Variants in NELL1 observed in about 807,000 individuals in gnomAD.
NELL1 encodes neural EGFL like 1, also known as protein kinase C-binding protein NELL1.
A neutral mutation model predicts 107.4 loss-of-function variants in NELL1; 76 were observed. That is an observed-to-expected ratio of 0.71 (90% CI 0.59 to 0.86). NELL1 has a LOEUF of 0.86. Ranked by LOEUF, NELL1 falls within the 40% of genes least tolerant of loss-of-function variation. The probability of loss-of-function intolerance (pLI) is 0.00; values close to 1 mark genes in which losing one functional copy is unlikely to be tolerated. For synonymous variants in NELL1, 353 were observed against 341.2 expected (o/e 1.03, Z -0.38); for missense variants, 1,024 against 1,005.5 (o/e 1.02, Z -0.25).
chr11:21,419,617 C>T (rs1410184806), intron 15 of NELL1, among the ~76,000 whole-genome samples: 1 of 152,000 alleles, frequency 6.6e-6, no homozygotes, highest in Non-Finnish European at 1.5e-5. Context: ...GAAACAGTTT[C>T]CACTGTAGCA....
In NELL1 at chr11:21,506,265, A is replaced by G. The variant is rs542675688; in HGVS notation, c.1646-28109A>G. Among the ~76,000 whole-genome samples the G allele has an allele frequency of 2.0e-5, 3 of 152,166 alleles. No individual in the cohort carries two copies. In the South Asian group the frequency reaches 6.2e-4, roughly 32 times the overall value. On this transcript the variant is annotated intron_variant, in intron 15 of 19. Transcript: ENST00000357134. ...ACTTAAGACAACCGATCTTGGTGAT[A>G]CAGACCCGCAGAGTCACAGTTCAGC...
At chr11:21,026,911 G>A (rs72939996) in intron 12 of NELL1, among the ~76,000 whole-genome samples, 2 of 152,060 alleles carry the variant, frequency 1.3e-5, no homozygotes, top group African/African-American at 4.8e-5. Flanking sequence ...TTGTATGCCA[G>A]CCCAGATTTT....
chr11:20,804,263 T>C (rs1167537572), intron 3 of NELL1, among the ~76,000 whole-genome samples: 1 of 152,090 alleles, frequency 6.6e-6, no homozygotes, highest in African/African-American at 2.4e-5. Flanking sequence ...TGAGATGGAG[T>C]CTTGCTCTGT....
intron 11 of NELL1, among the ~76,000 whole-genome samples, chr11:20,954,431 T>G (rs1392193014): frequency 1.3e-5 from 2 of 152,212 alleles, no homozygotes; most frequent in African/African-American, 4.8e-5. Flanking sequence ...TTTATCCTTC[T>G]CTGAAACACT....
chr11:21,033,408 C>A (rs1002981439), intron 12 of NELL1, among the ~76,000 whole-genome samples: 1 of 152,092 alleles, frequency 6.6e-6, no homozygotes, highest in South Asian at 2.1e-4. Context: ...TCCAAGTAGG[C>A]TCTAGTGTCT....
chr11:20,703,015 A>C (rs1854838925), intron 2 of NELL1, among the ~76,000 whole-genome samples: 1 of 152,186 alleles, frequency 6.6e-6, no homozygotes, highest in Admixed American at 6.5e-5. Flanking sequence ...TGCTGGCCTT[A>C]TAAAGTGAGT....
chr11:20,717,016 G>A (rs1304847802), intron 2 of NELL1, among the ~76,000 whole-genome samples: 3 of 152,134 alleles, frequency 2.0e-5, no homozygotes, highest in African/African-American at 7.2e-5. Context: ...ATACCACAAT[G>A]TATTCATTCA....
At chr11:21,268,659 T>G (rs567818927) in intron 14 of NELL1, among the ~76,000 whole-genome samples, 1 of 152,176 alleles carries the variant, frequency 6.6e-6, no homozygotes, top group African/African-American at 2.4e-5. Flanking sequence ...TCATATAGAA[T>G]GCTAACCCCT....
At chr11:21,090,118 T>C (rs1167322859) in intron 12 of NELL1, among the ~76,000 whole-genome samples, 1 of 152,162 alleles carries the variant, frequency 6.6e-6, no homozygotes, top group African/African-American at 2.4e-5. Context: ...GTTTGAGATG[T>C]ACAATAATAC....
At chr11:21,278,551 C>A (rs1848921819) in intron 14 of NELL1, among the ~76,000 whole-genome samples, 1 of 151,834 alleles carries the variant, frequency 6.6e-6, no homozygotes, top group African/African-American at 2.4e-5. Flanking sequence ...TTAGCAACCC[C>A]AAAATGATAT....
At chr11:20,702,274 A>G (rs1219918124) in intron 2 of NELL1, among the ~76,000 whole-genome samples, 2 of 152,114 alleles carry the variant, frequency 1.3e-5, no homozygotes, top group Non-Finnish European at 2.9e-5. Context: ...TGAAGCAATT[A>G]TGAATAGGAG....
At chr11:21,473,760 C>A (rs1854244782) in intron 15 of NELL1, among the ~76,000 whole-genome samples, 1 of 152,016 alleles carries the variant, frequency 6.6e-6, no homozygotes, top group Non-Finnish European at 1.5e-5. Context: ...AATTCTAAGG[C>A]TTACGTGGGA....
Position 20,908,514 on chromosome 11 carries a change from A to G in NELL1, c.604-9668A>G, listed in dbSNP as rs371849771. 1.4e-4 allele frequency among the ~76,000 whole-genome samples: 21 copies of G among 152,090 alleles called. No homozygotes were observed. In the East Asian group the frequency reaches 3.9e-3, roughly 28 times the overall value. On this transcript the variant is annotated intron_variant, in intron 5 of 19. Transcript: ENST00000357134. Reference sequence around the variant, plus strand: ...AGTGGGAGTTGAACAATGAGAACACATGGGCACAGAGAGGGGAACATCACA... The same window carrying G: ...AGTGGGAGTTGAACAATGAGAACACGTGGGCACAGAGAGGGGAACATCACA...
chr11:21,399,720 C>T (rs1214613288), intron 15 of NELL1, among the ~76,000 whole-genome samples: 3 of 151,716 alleles, frequency 2.0e-5, no homozygotes, highest in African/African-American at 7.3e-5. Context: ...AGACCTAGGG[C>T]TTGAATTTAA....
At chr11:20,874,717 C>T (rs942785322) in intron 4 of NELL1, among the ~76,000 whole-genome samples, 1 of 151,962 alleles carries the variant, frequency 6.6e-6, no homozygotes, top group Non-Finnish European at 1.5e-5. Context: ...TCCAGGAGTG[C>T]CCCTTCCCTC....
chr11:21,394,893 C>T (rs57204361), intron 15 of NELL1, among the ~76,000 whole-genome samples: 1,792 of 151,478 alleles, frequency 0.012, 23 homozygotes, highest in East Asian at 0.064. Flanking sequence ...TACAAGTTCT[C>T]CTACCCAGAA....
intron 15 of NELL1, among the ~76,000 whole-genome samples, chr11:21,473,228 A>G (rs1373979534): frequency 1.3e-5 from 2 of 152,082 alleles, no homozygotes; most frequent in African/African-American, 4.8e-5. Context: ...AGAAGAATGC[A>G]GAGGCAAATA....
intron 15 of NELL1, among the ~76,000 whole-genome samples, chr11:21,401,803 C>T (rs141528575): frequency 1.1e-3 from 165 of 151,810 alleles, no homozygotes; most frequent in African/African-American, 3.8e-3. Context: ...CTGTCTCTGC[C>T]TGCCAATGAC....
chr11:20,708,068 G>T (rs1020627868), intron 2 of NELL1, among the ~76,000 whole-genome samples: 45 of 152,210 alleles, frequency 3.0e-4, no homozygotes, highest in African/African-American at 9.4e-4. Context: ...TCCCAGCCTC[G>T]CTGCTGCTTT....
Sources: allele counts gnomAD v4.1 joint callset (sites outside exome capture counted in the v4.1 genomes callset), GRCh38; gene constraint gnomAD v4.1.1; transcripts MANE v1.5; gene names NCBI Gene and HGNC (gene_info 2026-07-23, HGNC 2026-07-21).